CRYBB2: variants seen among roughly 807,000 people sequenced by gnomAD.
The protein encoded by CRYBB2 is beta-crystallin B2.
In CRYBB2, 12 loss-of-function variants were observed where a neutral mutation model predicts 24.3. That is an observed-to-expected ratio of 0.49 (90% CI 0.32 to 0.80). The LOEUF (loss-of-function observed/expected upper bound fraction) is 0.80, where lower values mean the gene tolerates loss of function less well. Ranked by LOEUF, CRYBB2 falls within the 30% of genes least tolerant of loss-of-function variation. The pLI, the probability that CRYBB2 is intolerant of heterozygous loss-of-function variation, is 0.04. For missense variants in CRYBB2, 198 were observed against 268.5 expected (o/e 0.74, Z 1.83); for synonymous variants, 98 against 101.6 (o/e 0.96, Z 0.21).
upstream of CRYBB2, among the ~76,000 whole-genome samples, chr22:25,219,259 C>G (rs771568838): frequency 6.6e-6 from 1 of 152,130 alleles, no homozygotes; most frequent in South Asian, 2.1e-4. Flanking sequence ...TGAATGAAGC[C>G]CAGACTCTGC....
At chr22:25,215,388 A>T (rs1428332970), upstream of CRYBB2, among the ~76,000 whole-genome samples, 1 of 152,230 alleles carries the variant, frequency 6.6e-6, no homozygotes, top group African/African-American at 2.4e-5. Context: ...TGTTTCCCAT[A>T]AGGAATACTT....
upstream of CRYBB2, among the ~76,000 whole-genome samples, chr22:25,218,779 G>GAAGAAAGAAAGAAAGA (rs1168197356): frequency 5.1e-3 from 175 of 34,472 alleles, no homozygotes; most frequent in Non-Finnish European, 6.0e-3. Context: ...GAGAGAGAGA[G>GAAGAAAGAAAGAAAGA]AAGAAAGAAA....
At chr22:25,222,505 G>T (rs571078174) in intron 2 of CRYBB2, among the ~76,000 whole-genome samples, 1 of 152,152 alleles carries the variant, frequency 6.6e-6, no homozygotes, top group Non-Finnish European at 1.5e-5. Flanking sequence ...TTGCCAGGCC[G>T]AGGTGGGAGG....
Position 25,231,203 on chromosome 22 carries a change from CT to C in CRYBB2, c.450-400del, listed in dbSNP as rs372073560. 1.6e-4 allele frequency among the ~76,000 whole-genome samples: 24 copies of C among 152,294 alleles called. No individual in the cohort carries two copies. In the East Asian group the frequency reaches 4.2e-3, roughly 27 times the overall value. On this transcript the variant is annotated intron_variant, in intron 5 of 5. Transcript: ENST00000398215. ...AGAAGGCCCCTGGAACCTCCCCCAA[CT>C]CTTCTTTGACCTTGTAGCTGGGCTT...
Position 25,231,750 on chromosome 22 carries a change from G to C in CRYBB2, c.596G>C (p.Gly199Ala), listed in dbSNP as rs1157126517. 15 of 1,613,982 alleles carry C rather than the reference G, an allele frequency of 9.3e-6. No homozygotes were observed. The highest frequency in any genetic ancestry group is 1.3e-5 in the Non-Finnish European group (15 of 1,180,022). The change falls in exon 6 of 6, where the codon GGT (glycine) becomes GCT (alanine). Residue 199 changes from glycine to alanine, a missense_variant. Physicochemically the swap from Gly to Ala is moderately conservative, Grantham distance 60 (BLOSUM62 0). Coordinates refer to ENST00000398215, the MANE Select transcript of CRYBB2 (RefSeq NM_000496.3). ...RIRDMQWHQRGAFHPSN is the reference protein window; with the variant it reads ...RIRDMQWHQRAAFHPSN ...CGCGACATGCAGTGGCACCAACGTG[G>C]TGCCTTCCACCCCTCCAACTAGTGC... is the stretch of plus-strand genomic sequence containing the variant.
At chr22:25,218,688 GAA>G (rs757383342), upstream of CRYBB2, among the ~76,000 whole-genome samples, 1 of 69,640 alleles carries the variant, frequency 1.4e-5, no homozygotes, top group Non-Finnish European at 2.5e-5. Flanking sequence ...GAGAAAGAAA[GAA>G]AGAGAGAGAG....
chr22:25,226,824 C>T (rs1935426313), intron 3 of CRYBB2, among the ~76,000 whole-genome samples: 1 of 152,228 alleles, frequency 6.6e-6, no homozygotes, highest in Non-Finnish European at 1.5e-5. Context: ...CAAGCATGCA[C>T]CACTGTGCTG....
chr22:25,226,475 C>T (rs9608380), intron 3 of CRYBB2, among the ~76,000 whole-genome samples: 18,073 of 152,148 alleles, frequency 0.12, 1,353 homozygotes, highest in Non-Finnish European at 0.17. Flanking sequence ...GTGATAGTTA[C>T]GCCAATTACA....
intron 1 of CRYBB2, 83 bp from the exon 2 acceptor site, chr22:25,221,321 G>C: frequency 2.4e-6 from 2 of 836,662 alleles, no homozygotes; most frequent in South Asian, 1.3e-5. Flanking sequence ...TTTGGGGCCA[G>C]AGGGGAGTGG....
chr22:25,224,346 C>T (rs1283585671), intron 2 of CRYBB2, among the ~76,000 whole-genome samples: 1 of 152,094 alleles, frequency 6.6e-6, no homozygotes, highest in Non-Finnish European at 1.5e-5. Context: ...TCAGACAAGC[C>T]TGGGCTCCAG....
At chr22:25,214,612 A>T (rs1290094975) in intron 1 of CRYBB2, among the ~76,000 whole-genome samples, 1 of 152,232 alleles carries the variant, frequency 6.6e-6, no homozygotes, top group African/African-American at 2.4e-5. Flanking sequence ...ATAGCATAAA[A>T]GCTATAGTTA....
chr22:25,228,205 T>C (rs988807565), intron 4 of CRYBB2, among the ~76,000 whole-genome samples: 13 of 148,034 alleles, frequency 8.8e-5, no homozygotes, highest in Non-Finnish European at 1.8e-4. Context: ...GGCATATTGG[T>C]ATCTACTGTC....
At chr22:25,216,718 T>C (rs1935173840), upstream of CRYBB2, among the ~76,000 whole-genome samples, 1 of 152,256 alleles carries the variant, frequency 6.6e-6, no homozygotes, top group Middle Eastern at 3.4e-3. Flanking sequence ...ATCACCACTA[T>C]CCATCCCCAG....
upstream of CRYBB2, among the ~76,000 whole-genome samples, chr22:25,217,603 C>T (rs990831305): frequency 3.9e-5 from 6 of 152,182 alleles, no homozygotes; most frequent in Non-Finnish European, 7.3e-5. Flanking sequence ...AGGCGTGAGC[C>T]GCTGTGCCCG....
In CRYBB2 at chr22:25,229,483, C is replaced by T. The variant is rs748307484; in HGVS notation, c.354C>T (p.Thr118=). The stretch of plus-strand genomic sequence containing the variant: ...TCCTCTATGAAAACCCCAACTTCAC[C>T]GGGAAGAAGATGGAAATCATAGATG... ...KIILYENPNF[T]GKKMEIIDDD... The change falls in exon 5 of 6, where the codon ACC becomes ACT. Residue 118 remains threonine, a synonymous_variant. Coordinates refer to ENST00000398215, the MANE Select transcript of CRYBB2 (RefSeq NM_000496.3). The T allele has an allele frequency of 6.2e-6, 10 of 1,613,232 alleles. No homozygotes were observed. The African/African-American group carries it at 8.0e-5, about 13-fold the overall frequency.
chr22:25,218,536 C>T (rs1283204956), upstream of CRYBB2, among the ~76,000 whole-genome samples: 1 of 150,164 alleles, frequency 6.7e-6, no homozygotes, highest in Non-Finnish European at 1.5e-5. Flanking sequence ...CCTGGTGGCG[C>T]ACACCTGTAG....
At chr22:25,220,451 G>C (rs1436068658) in intron 1 of CRYBB2, among the ~76,000 whole-genome samples, 1 of 152,222 alleles carries the variant, frequency 6.6e-6, no homozygotes, top group Non-Finnish European at 1.5e-5. Context: ...GAACACTCAG[G>C]ACTGGGAAGT....
chr22:25,218,711 A>AGAGAGAG (rs1569015823), upstream of CRYBB2, among the ~76,000 whole-genome samples: 1 of 58,052 alleles, frequency 1.7e-5, no homozygotes, highest in African/African-American at 7.0e-5. Flanking sequence ...AGAGGGGGAG[A>AGAGAGAG]GAGAGAGAGA....
upstream of CRYBB2, among the ~76,000 whole-genome samples, chr22:25,218,852 GAAAGA>G (rs1935272590): frequency 1.4e-5 from 2 of 146,102 alleles, no homozygotes; most frequent in African/African-American, 5.1e-5. Context: ...AAGAAAGAAA[GAAAGA>G]AAAGAAAGAG....
Sources: allele counts gnomAD v4.1 joint callset (sites outside exome capture counted in the v4.1 genomes callset), GRCh38; gene constraint gnomAD v4.1.1; transcripts MANE v1.5; gene names NCBI Gene and HGNC (gene_info 2026-07-23, HGNC 2026-07-21).